APOBEC1: variants seen among roughly 807,000 people sequenced by gnomAD.
APOBEC1 encodes the protein apolipoprotein B mRNA editing enzyme catalytic subunit 1, also known as C->U-editing enzyme APOBEC-1.
APOBEC1 carries 22 observed loss-of-function variants against 26.3 expected under a neutral mutation model. The ratio of observed to expected loss-of-function variants is 0.84; its 90% CI spans 0.60 to 1.19. The LOEUF (loss-of-function observed/expected upper bound fraction) is 1.19. Among genes scored for constraint, APOBEC1 ranks in the 50% most tolerant of loss-of-function variants. The probability of loss-of-function intolerance (pLI) is 0.00; values close to 1 mark genes in which losing one functional copy is unlikely to be tolerated. For synonymous variants in APOBEC1, 77 were observed against 95.3 expected (o/e 0.81, Z 1.12); for missense variants, 253 against 289.0 (o/e 0.88, Z 0.90).
At position 7,652,615 on chromosome 12, in the gene APOBEC1, A is replaced by G. The variant is rs755139864; in HGVS notation, c.265T>C (p.Ser89Pro). ...SMSCSITWFL[S>P]WSPCWECSQA... ...GAGCATTCCCAGCAGGGACTCCAGG[A>G]CAAGAACCAGGTGATGGAGCAGCTC... Residue 89 changes from serine (S) to proline (P), a missense_variant, in exon 3 of 5, where the codon TCC (serine) becomes CCC (proline). Transcript: ENST00000229304. 1.9e-6 allele frequency: 3 copies of G among 1,614,238 alleles called. No homozygotes were observed. In the Admixed American group the frequency reaches 5.0e-5, roughly 27 times the overall value.
In APOBEC1 at chr12:7,649,847, C is replaced by T; in HGVS notation, c.562-151G>A. 2 of 680,592 alleles carry T rather than the reference C, an allele frequency of 2.9e-6. 1 individual carries two copies. The highest frequency in any genetic ancestry group is 4.0e-5 in the South Asian group (2 of 49,646). The allele number at this position is 680,592 out of a possible 1,614,324, so 42.2% of individuals were successfully genotyped here. A position where few individuals can be genotyped will look rare whatever the true frequency, so the allele number is the denominator to read the frequency against. On this transcript the variant is annotated intron_variant, in intron 4 of 4. Transcript: ENST00000229304. ...CAGACAGGGTCTGGTTCTGGACTCACTGCATTCACCCAGGCTGGAGCGCAG... is the reference window on the plus strand; with the variant it reads ...CAGACAGGGTCTGGTTCTGGACTCATTGCATTCACCCAGGCTGGAGCGCAG...
chr12:7,665,751 GGACACACACACACA>G (rs1221924171), intron 1 of APOBEC1, 92 bp downstream of exon 1: 1 of 817,358 alleles, frequency 1.2e-6, no homozygotes, highest in Non-Finnish European at 1.7e-6. Context: ...AGAATCAGCA[GGACACACACACACA>G]CACACACACA....
Position 7,658,222 on chromosome 12 carries a change from C to T in APOBEC1, c.17-3590G>A, listed in dbSNP as rs748172299. Among the ~76,000 whole-genome samples, 172 of 152,254 alleles carry T rather than the reference C, an allele frequency of 1.1e-3. 2 individuals carry two copies. The highest frequency in any genetic ancestry group is 3.9e-3 in the African/African-American group (164 of 41,560). Reference sequence around the variant, plus strand: ...GGGATTACAGGCATGTGTCACCACACCCGGCTAACTTTTGTATTTTTAGTA... The same window carrying T: ...GGGATTACAGGCATGTGTCACCACATCCGGCTAACTTTTGTATTTTTAGTA... On this transcript the variant is annotated intron_variant, in intron 1 of 4. Transcript: ENST00000229304.
intron 3 of APOBEC1, among the ~76,000 whole-genome samples, chr12:7,652,129 T>A (rs1863651745): frequency 6.6e-6 from 1 of 152,034 alleles, no homozygotes; most frequent in Non-Finnish European, 1.5e-5. Flanking sequence ...GCCGGATTTT[T>A]AAATTTTTTT....
intron 3 of APOBEC1, 141 bp from the exon 4 acceptor site, chr12:7,651,282 A>C: frequency 1.6e-6 from 1 of 636,412 alleles, no homozygotes. Context: ...AAAAAGAATA[A>C]AGCAGTTCAT....
intron 1 of APOBEC1, among the ~76,000 whole-genome samples, chr12:7,658,927 T>A (rs1342603530): frequency 7.2e-6 from 1 of 139,368 alleles, no homozygotes; most frequent in African/African-American, 2.7e-5. Flanking sequence ...CACTCCAGCC[T>A]GGGCAACGAG....
At chr12:7,653,899 A>G (rs976839638) in intron 2 of APOBEC1, among the ~76,000 whole-genome samples, 2 of 152,172 alleles carry the variant, frequency 1.3e-5, no homozygotes, top group Non-Finnish European at 2.9e-5. Flanking sequence ...CTGTAACTCA[A>G]GGGAAACTCA....
intron 1 of APOBEC1, among the ~76,000 whole-genome samples, chr12:7,664,766 G>A (rs1863868849): frequency 6.6e-6 from 1 of 151,596 alleles, no homozygotes; most frequent in Non-Finnish European, 1.5e-5. Context: ...AAATTAGCAG[G>A]GCTGGTGGCC....
At chr12:7,655,595 A>G (rs1292739612) in intron 1 of APOBEC1, among the ~76,000 whole-genome samples, 1 of 152,134 alleles carries the variant, frequency 6.6e-6, no homozygotes, top group Non-Finnish European at 1.5e-5. Flanking sequence ...AGACATGGGC[A>G]TGGACAGCTT....
chr12:7,666,526 C>T (rs183880858), upstream of APOBEC1, among the ~76,000 whole-genome samples: 89 of 152,172 alleles, frequency 5.8e-4, no homozygotes, highest in African/African-American at 1.7e-3. Context: ...AACTCTTGAC[C>T]TCAGGTGATC....
chr12:7,667,801 T>C (rs148812850), upstream of APOBEC1, among the ~76,000 whole-genome samples: 948 of 151,824 alleles, frequency 6.2e-3, 11 homozygotes, highest in African/African-American at 0.021. Flanking sequence ...TAATCCCAGC[T>C]TCTCGGAAGG....
At chr12:7,661,238 A>T (rs1012194148) in intron 1 of APOBEC1, among the ~76,000 whole-genome samples, 3 of 151,194 alleles carry the variant, frequency 2.0e-5, no homozygotes, top group African/African-American at 4.9e-5. Flanking sequence ...CGGGAACAAT[A>T]GACACTGGAA....
rs1565439746 is a variant in APOBEC1 at position 7,652,518 on chromosome 12, C to CA, written c.361dup (p.Trp121LeufsTer16). 6.2e-7 allele frequency: 1 copy of CA among 1,614,068 alleles called. No individual in the cohort carries two copies. Among genetic ancestry groups the CA allele is most frequent in the East Asian group, 2.2e-5 (1 of 44,880 alleles). On this transcript the variant is annotated frameshift_variant, in exon 3 of 5. Coordinates refer to ENST00000229304, the MANE Select transcript of APOBEC1 (RefSeq NM_001644.5). LOFTEE classifies it high-confidence loss of function. ...TTGCCGATTTTGTTGATCCATGTGCCAAAAAAGCCGAGCTACGTAGATCAC... is the reference window on the plus strand; with the variant it reads ...TTGCCGATTTTGTTGATCCATGTGCCAAAAAAAGCCGAGCTACGTAGATCAC...
At chr12:7,670,526 G>A (rs191781295), upstream of APOBEC1, among the ~76,000 whole-genome samples, 163 of 139,180 alleles carry the variant, frequency 1.2e-3, 25 homozygotes, top group Non-Finnish European at 2.5e-4. Context: ...AGGCCAAGGC[G>A]GGTGGATCGC....
At chr12:7,651,193 TAAG>T in intron 3 of APOBEC1, 52 bp from the exon 4 acceptor site, 1 of 1,315,360 alleles carries the variant, frequency 7.6e-7, no homozygotes, top group Admixed American at 1.7e-5. Flanking sequence ...GTAAATTACT[TAAG>T]AAGATCCCCA....
upstream of APOBEC1, among the ~76,000 whole-genome samples, chr12:7,669,108 A>G (rs1486786373): frequency 1.3e-5 from 2 of 151,844 alleles, no homozygotes; most frequent in East Asian, 1.9e-4. Flanking sequence ...TTCTGTCTCT[A>G]TAGTTTAGTT....
chr12:7,650,906 T>C, intron 4 of APOBEC1, 117 bp downstream of exon 4: 2 of 756,264 alleles, frequency 2.6e-6, no homozygotes, highest in South Asian at 3.3e-5. Context: ...GCTAGTTAAA[T>C]AACTAAATCT....
intron 1 of APOBEC1, among the ~76,000 whole-genome samples, chr12:7,664,900 TAAAAA>T (rs397850472): frequency 3.0e-5 from 4 of 135,248 alleles, no homozygotes; most frequent in African/African-American, 5.5e-5. Context: ...GGGCGAGTCT[TAAAAA>T]AAAAAAAAAA....
At chr12:7,662,806 C>T (rs1359082300) in intron 1 of APOBEC1, among the ~76,000 whole-genome samples, 1 of 152,076 alleles carries the variant, frequency 6.6e-6, no homozygotes, top group Non-Finnish European at 1.5e-5. Context: ...GAAGTGTGGA[C>T]CTTGACTTGT....
Sources: gnomAD v4.1 joint callset for allele counts (sites outside exome capture counted in the v4.1 genomes callset) on GRCh38, gnomAD v4.1.1 for gene constraint, MANE v1.5 for transcripts, NCBI Gene and HGNC (gene_info 2026-07-23, HGNC 2026-07-21) for gene names.